Variants in SPAG17 observed in about 807,000 individuals in gnomAD.
The protein encoded by SPAG17 is sperm-associated antigen 17.
In SPAG17, 169 loss-of-function variants were observed where a neutral mutation model predicts 273.6. The observed-to-expected ratio is 0.62, with a 90% CI of 0.55 to 0.70. The LOEUF is 0.70. SPAG17 is among the 30% of genes least tolerant of loss of function. The probability of loss-of-function intolerance (pLI) is 0.00; values close to 1 mark genes in which losing one functional copy is unlikely to be tolerated. For missense variants in SPAG17, 2,557 were observed against 2,627.8 expected, an observed-to-expected ratio of 0.97 and a Z score of 0.59; for synonymous variants, 825 against 873.2, an observed-to-expected ratio of 0.94 and a Z score of 0.97.
chr1:118,058,383 T>C (rs577802313), intron 18 of SPAG17, among the ~76,000 whole-genome samples: 1 of 152,258 alleles, frequency 6.6e-6, no homozygotes, highest in South Asian at 2.1e-4. Flanking sequence ...AATTTTTGTA[T>C]TTTTTGTAGA....
chr1:117,998,084 CT>C (rs1247289148), intron 32 of SPAG17, among the ~76,000 whole-genome samples: 1 of 152,042 alleles, frequency 6.6e-6, no homozygotes, highest in Non-Finnish European at 1.5e-5. Flanking sequence ...TCAGTTTTTG[CT>C]TTTGTTGCAA....
At chr1:118,108,584 C>G (rs1322879913) in intron 4 of SPAG17, among the ~76,000 whole-genome samples, 1 of 152,142 alleles carries the variant, frequency 6.6e-6, no homozygotes, top group Non-Finnish European at 1.5e-5. Flanking sequence ...TCAGAGGGAA[C>G]TCTTGTCAAT....
At chr1:118,054,353 G>GTC (rs34784674) in intron 19 of SPAG17, among the ~76,000 whole-genome samples, 16,132 of 151,008 alleles carry the variant, frequency 0.11, 2,340 homozygotes, top group African/African-American at 0.34. Flanking sequence ...TTGAACTGTA[G>GTC]TCTCTCTCTC....
At chr1:117,974,826 G>C (rs1425955456) in intron 43 of SPAG17, among the ~76,000 whole-genome samples, 1 of 152,134 alleles carries the variant, frequency 6.6e-6, no homozygotes, top group African/African-American at 2.4e-5. Flanking sequence ...AAAAGGAAGG[G>C]GACTAATATT....
intron 46 of SPAG17, among the ~76,000 whole-genome samples, chr1:117,966,979 C>T (rs1025739446): frequency 2.0e-5 from 3 of 151,984 alleles, no homozygotes; most frequent in African/African-American, 7.3e-5. Flanking sequence ...GTTGAAGGGG[C>T]AAACCAGGTG....
chr1:118,156,765 C>T (rs188564819), intron 1 of SPAG17, among the ~76,000 whole-genome samples: 72 of 152,298 alleles, frequency 4.7e-4, no homozygotes, highest in African/African-American at 1.7e-3. Flanking sequence ...CCTTTCTCAA[C>T]CTACTACCTA....
At position 118,119,933 on chromosome 1, in the gene SPAG17, T is replaced by C. The variant is rs999436772; in HGVS notation, c.316-4492A>G. Among the ~76,000 whole-genome samples the C allele has an allele frequency of 4.6e-5, 7 of 152,232 alleles. No individual in the cohort carries two copies. The South Asian group carries it at 1.4e-3, about 31-fold the overall frequency. On this transcript the variant is annotated intron_variant, in intron 3 of 48. Transcript: ENST00000336338. ...AGCTTTCTGTGCTGATAAGTTTTGC[T>C]TACGTATATGGTTTTTAATAAATAG...
intron 3 of SPAG17, among the ~76,000 whole-genome samples, chr1:118,143,555 C>CAA (rs1172062543): frequency 6.8e-6 from 1 of 147,156 alleles, no homozygotes; most frequent in African/African-American, 2.5e-5. Flanking sequence ...AAAAGCCAGC[C>CAA]AAAAAAAAAG....
chr1:118,182,033 A>G (rs1216396106), intron 1 of SPAG17, among the ~76,000 whole-genome samples: 1 of 152,190 alleles, frequency 6.6e-6, no homozygotes, highest in Non-Finnish European at 1.5e-5. Context: ...AGAGACTCCA[A>G]CAGATTTTAG....
chr1:118,119,709 G>A (rs1235743024), intron 3 of SPAG17, among the ~76,000 whole-genome samples: 1 of 152,096 alleles, frequency 6.6e-6, no homozygotes, highest in South Asian at 2.1e-4. Flanking sequence ...GGGCAAACAG[G>A]CTTTCAGCAC....
rs1171226340 is a variant in SPAG17 at position 117,957,180 on chromosome 1, CTCT to C, written c.*1-3134_*1-3132del. ...TGATGTTGAACTTATATGCCGGTGC[CTCT>C]TCTTCCTCCTTAGGTAACATCCTTT... On this transcript the variant is annotated intron_variant, in intron 48 of 48. Coordinates refer to ENST00000336338, the MANE Select transcript of SPAG17 (RefSeq NM_206996.4). 4 of 1,611,334 alleles carry C rather than the reference CTCT, an allele frequency of 2.5e-6. No individual in the cohort carries two copies. In the East Asian group the frequency reaches 6.7e-5, roughly 27 times the overall value.
intron 32 of SPAG17, among the ~76,000 whole-genome samples, chr1:117,998,155 T>C (rs1657866413): frequency 6.6e-6 from 1 of 152,144 alleles, no homozygotes; most frequent in African/African-American, 2.4e-5. Flanking sequence ...AATGGTATTT[T>C]CTGGGTTTTC....
Position 118,097,816 on chromosome 1 carries a change from T to C in SPAG17, c.865A>G (p.Ile289Val). 6.3e-7 allele frequency: 1 copy of C among 1,594,928 alleles called. No individual in the cohort carries two copies. Among genetic ancestry groups the C allele is most frequent in the African/African-American group, 1.4e-5 (1 of 73,744 alleles). ...EAEKLKKENA[I>V]KELKTFWKYL... ...TTCCAGAAAGTTTTAAGCTCTTTTA[T>C]GGCATTTTCTTTCTTCAATTTTTCT... Residue 289 changes from isoleucine (I) to valine (V), a missense_variant, in exon 7 of 49, where the codon ATA (isoleucine) becomes GTA (valine). Physicochemically the swap from Ile to Val is conservative, Grantham distance 29. Transcript: ENST00000336338.
chr1:117,970,216 C>G, intron 45 of SPAG17, 100 bp from the exon 46 acceptor site: 1 of 1,175,166 alleles, frequency 8.5e-7, no homozygotes, highest in Non-Finnish European at 1.2e-6. Flanking sequence ...TTAATATTTG[C>G]TACACAGGAG....
At chr1:118,167,040 CTGA>C (rs1374817022) in intron 1 of SPAG17, among the ~76,000 whole-genome samples, 1 of 152,022 alleles carries the variant, frequency 6.6e-6, no homozygotes, top group African/African-American at 2.4e-5. Flanking sequence ...GTTAAAAGTT[CTGA>C]TGATATGTTC....
At chr1:118,180,301 A>G (rs1248309931) in intron 1 of SPAG17, among the ~76,000 whole-genome samples, 2 of 152,094 alleles carry the variant, frequency 1.3e-5, no homozygotes, top group Non-Finnish European at 2.9e-5. Context: ...CTTTATAGCA[A>G]CAAGGATGGA....
At chr1:118,004,960 G>C (rs964698985) in intron 32 of SPAG17, among the ~76,000 whole-genome samples, 3 of 152,148 alleles carry the variant, frequency 2.0e-5, no homozygotes, top group South Asian at 4.1e-4. Flanking sequence ...TTGTGTTCTT[G>C]ATTTGGCACT....
chr1:117,959,298 A>C, intron 48 of SPAG17: 1 of 1,610,596 alleles, frequency 6.2e-7, no homozygotes, highest in Non-Finnish European at 8.5e-7. Flanking sequence ...CCAGGATGTT[A>C]TCGGCTTCAA....
intron 1 of SPAG17, among the ~76,000 whole-genome samples, chr1:118,172,843 T>C (rs1660482781): frequency 6.6e-6 from 1 of 152,162 alleles, no homozygotes; most frequent in African/African-American, 2.4e-5. Context: ...AACTGAAATA[T>C]ATAGCTTTGC....
Sources: allele counts gnomAD v4.1 joint callset (sites outside exome capture counted in the v4.1 genomes callset), GRCh38; gene constraint gnomAD v4.1.1; transcripts MANE v1.5; gene names NCBI Gene and HGNC (gene_info 2026-07-23, HGNC 2026-07-21).